The following PALLD variants were observed in gnomAD, a reference collection of about 807,000 sequenced individuals.
PALLD encodes the protein palladin, cytoskeletal associated protein.
Under a neutral mutation model 123.5 loss-of-function variants are expected in PALLD, and 61 were observed. The observed-to-expected ratio is 0.49, with a 90% confidence interval of 0.40 to 0.61. The LOEUF is 0.61. Among genes scored for constraint, PALLD ranks in the 20% least tolerant of loss-of-function variants. The pLI is 0.00. For synonymous variants in PALLD, 465 were observed against 496.4 expected (o/e 0.94, Z 0.84); for missense variants, 1,273 against 1,377.0 (o/e 0.92, Z 1.20).
chr4:168,774,231 C>G (rs1428591727), intron 10 of PALLD, among the ~76,000 whole-genome samples: 1 of 152,116 alleles, frequency 6.6e-6, no homozygotes, highest in Non-Finnish European at 1.5e-5. Flanking sequence ...GTGACCCAAG[C>G]CAGTCACAGC....
At chr4:168,506,313 C>T (rs983064113) in intron 1 of PALLD, among the ~76,000 whole-genome samples, 1 of 152,176 alleles carries the variant, frequency 6.6e-6, no homozygotes, top group African/African-American at 2.4e-5. Context: ...GCACAGAAGT[C>T]TCAGTTTGGG....
intron 1 of PALLD, chr4:168,507,621 G>A (rs10517998): frequency 0.1 from 20,609 of 200,530 alleles, 1,215 homozygotes; most frequent in Middle Eastern, 0.15. Flanking sequence ...CTCACGGACC[G>A]CCCTACTGTC....
chr4:168,688,793 C>T lies in PALLD; in HGVS notation c.1336-1810C>T, dbSNP rs188901372. Among the ~76,000 whole-genome samples the T allele has an allele frequency of 2.6e-5, 4 of 152,106 alleles. No individual in the cohort carries two copies. The East Asian group carries it at 5.8e-4, about 22-fold the overall frequency. On this transcript the variant is annotated intron_variant, in intron 6 of 21. Transcript: ENST00000505667. Reference sequence around the variant, plus strand: ...TTTCCGACACTGAAAAAAAAAAATGCATAATCTTAGGAATAAATCAAAGTC... The same window carrying T: ...TTTCCGACACTGAAAAAAAAAAATGTATAATCTTAGGAATAAATCAAAGTC...
At chr4:168,689,432 C>CTTTTTTTTTTTTTTTTTTTT (rs70961551) in intron 6 of PALLD, among the ~76,000 whole-genome samples, 2 of 49,834 alleles carry the variant, frequency 4.0e-5, no homozygotes, top group Non-Finnish European at 3.8e-5. Context: ...ATCCAATATT[C>CTTTTTTTTTTTTTTTTTTTT]TTTTTTTTTT....
intron 17 of PALLD, among the ~76,000 whole-genome samples, chr4:168,921,069 A>C (rs1416418193): frequency 6.6e-6 from 1 of 152,080 alleles, no homozygotes; most frequent in Non-Finnish European, 1.5e-5. Flanking sequence ...CCAAAGTTTA[A>C]AGCAAAAGTT....
chr4:168,733,957 G>C (rs369768561), intron 10 of PALLD, among the ~76,000 whole-genome samples: 145 of 152,098 alleles, frequency 9.5e-4, no homozygotes, highest in African/African-American at 2.9e-3. Flanking sequence ...GGATGGTCTC[G>C]ATCTCCTGAC....
At chr4:168,712,132 C>T in intron 10 of PALLD, 2 of 611,424 alleles carry the variant, frequency 3.3e-6, no homozygotes, top group Non-Finnish European at 5.8e-6. Context: ...CTGCCCTTTG[C>T]TGAAAGCTAT....
At chr4:168,569,661 C>T (rs1768774325) in intron 2 of PALLD, among the ~76,000 whole-genome samples, 2 of 152,060 alleles carry the variant, frequency 1.3e-5, no homozygotes, top group South Asian at 2.1e-4. Flanking sequence ...GCAGGCTGCA[C>T]GTTCTCTAAT....
At chr4:168,506,998 T>A (rs890073593) in intron 1 of PALLD, among the ~76,000 whole-genome samples, 1 of 152,102 alleles carries the variant, frequency 6.6e-6, no homozygotes, top group Non-Finnish European at 1.5e-5. Context: ...CCTTATGCAT[T>A]CCCATGTCTT....
intron 10 of PALLD, among the ~76,000 whole-genome samples, chr4:168,794,048 A>G (rs924927678): frequency 1.3e-5 from 2 of 152,082 alleles, no homozygotes; most frequent in Non-Finnish European, 1.5e-5. Context: ...TTTCTCCTCT[A>G]GGTGCAGTGG....
chr4:168,789,955 GA>G (rs1737275613), intron 10 of PALLD, among the ~76,000 whole-genome samples: 1 of 151,944 alleles, frequency 6.6e-6, no homozygotes, highest in African/African-American at 2.4e-5. Context: ...CATAATTTTT[GA>G]AATATGCAAA....
In PALLD at chr4:168,924,391, A is replaced by C. The variant is rs1254614507; in HGVS notation, c.3195A>C (p.Glu1065Asp). 6.8e-6 allele frequency: 11 copies of C among 1,614,034 alleles called. No homozygotes were observed. Among genetic ancestry groups the C allele is most frequent in the East Asian group, 2.2e-5 (1 of 44,874 alleles). ...PPQIFWKKEN[E>D]SLTHSTDRVS... ...AGATATTTTGGAAGAAAGAAAATGA[A>C]TCACTCACTCACAGCACTGACCGAG... is the stretch of plus-strand genomic sequence containing the variant. The change falls in exon 19 of 22, where the codon GAA (glutamate) becomes GAC (aspartate). Residue 1065 changes from glutamate (E) to aspartate (D), a missense_variant. Coordinates refer to ENST00000505667, the MANE Select transcript of PALLD (RefSeq NM_001166108.2).
intron 10 of PALLD, among the ~76,000 whole-genome samples, chr4:168,878,687 G>GC (rs1446499894): frequency 6.6e-6 from 1 of 150,518 alleles, no homozygotes; most frequent in Non-Finnish European, 1.5e-5. Context: ...CATTATGGGG[G>GC]GGGGGGTGCT....
chr4:168,796,994 T>C (rs1738606490), intron 10 of PALLD, among the ~76,000 whole-genome samples: 1 of 152,200 alleles, frequency 6.6e-6, no homozygotes, highest in Non-Finnish European at 1.5e-5. Flanking sequence ...TGAATAGTGC[T>C]TCAAGGAAGA....
At chr4:168,894,232 A>G in intron 11 of PALLD, 1 of 316,506 alleles carries the variant, frequency 3.2e-6, no homozygotes, top group Non-Finnish European at 6.0e-6. Flanking sequence ...TAAAAATAAC[A>G]TTTCTTTTAA....
At chr4:168,568,963 T>C (rs2149601246) in intron 2 of PALLD, among the ~76,000 whole-genome samples, 1 of 152,076 alleles carries the variant, frequency 6.6e-6, no homozygotes, top group Middle Eastern at 3.4e-3. Flanking sequence ...TAGATGTGCC[T>C]TCCTGAAGAA....
intron 3 of PALLD, among the ~76,000 whole-genome samples, chr4:168,680,481 C>CAAAA (rs571607157): frequency 8.5e-5 from 5 of 59,164 alleles, no homozygotes; most frequent in African/African-American, 1.9e-4. Flanking sequence ...GATTCCGTCT[C>CAAAA]AAAAAAAAAA....
intron 2 of PALLD, among the ~76,000 whole-genome samples, chr4:168,624,350 A>T (rs1775039879): frequency 6.6e-6 from 1 of 152,212 alleles, no homozygotes; most frequent in African/African-American, 2.4e-5. Flanking sequence ...ATTTCCAAAG[A>T]TACCAAAAAG....
chr4:168,787,310 A>T (rs1195783483), intron 10 of PALLD, among the ~76,000 whole-genome samples: 4 of 152,170 alleles, frequency 2.6e-5, no homozygotes, highest in African/African-American at 7.2e-5. Context: ...CAGTCATATT[A>T]TGTGTGTGCC....
Sources: gnomAD v4.1 joint callset for allele counts (sites outside exome capture counted in the v4.1 genomes callset) on GRCh38, gnomAD v4.1.1 for gene constraint, MANE v1.5 for transcripts, NCBI Gene and HGNC (gene_info 2026-07-23, HGNC 2026-07-21) for gene names.